Variants in COL25A1 observed in about 807,000 individuals in gnomAD.
The protein encoded by COL25A1 is collagen type XXV alpha 1 chain.
Under a neutral mutation model 128.4 loss-of-function variants are expected in COL25A1, and 103 were observed. The observed-to-expected ratio is 0.80, with a 90% CI of 0.68 to 0.94. The LOEUF is 0.94. Ranked by LOEUF, COL25A1 falls within the 40% of genes least tolerant of loss-of-function variation. The pLI, the probability that COL25A1 is intolerant of heterozygous loss-of-function variation, is 0.00. For missense variants in COL25A1, 745 were observed against 840.0 expected (o/e 0.89, Z 1.40); for synonymous variants, 279 against 277.2 (o/e 1.01, Z -0.06).
chr4:109,240,476 C>T (rs1199793802), intron 3 of COL25A1, among the ~76,000 whole-genome samples: 1 of 152,030 alleles, frequency 6.6e-6, no homozygotes, highest in African/African-American at 2.4e-5. Context: ...CTTTCAGGAA[C>T]ATACTTCTCA....
intron 3 of COL25A1, among the ~76,000 whole-genome samples, chr4:109,253,944 C>T (rs138881728): frequency 1.3e-5 from 2 of 151,556 alleles, no homozygotes; most frequent in South Asian, 2.1e-4. Flanking sequence ...AAAATTATCC[C>T]GGTGCGGTGG....
At chr4:108,941,145 A>G (rs1016852545) in intron 9 of COL25A1, among the ~76,000 whole-genome samples, 1 of 152,242 alleles carries the variant, frequency 6.6e-6, no homozygotes, top group Admixed American at 6.5e-5. Flanking sequence ...TTTTTTAATT[A>G]AGAAAAAATT....
intron 3 of COL25A1, among the ~76,000 whole-genome samples, chr4:109,218,364 T>TTTTGTTTG (rs1288984507): frequency 4.2e-4 from 55 of 130,162 alleles, no homozygotes; most frequent in Non-Finnish European, 4.8e-4. Context: ...GGGGTTTTTT[T>TTTTGTTTG]TTTTTTTTTT....
chr4:108,918,096 A>AT (rs1300435725), intron 13 of COL25A1, 76 bp downstream of exon 13: 1 of 859,966 alleles, frequency 1.2e-6, no homozygotes, highest in East Asian at 2.7e-5. Flanking sequence ...TATTACTAAC[A>AT]TTATGGACTA....
At chr4:108,978,687 T>C (rs1484924618) in intron 6 of COL25A1, among the ~76,000 whole-genome samples, 1 of 152,150 alleles carries the variant, frequency 6.6e-6, no homozygotes, top group Non-Finnish European at 1.5e-5. Context: ...AATCTAATAT[T>C]TAGTAGACAT....
chr4:109,029,125 G>C (rs1758598643), intron 5 of COL25A1, among the ~76,000 whole-genome samples: 1 of 152,146 alleles, frequency 6.6e-6, no homozygotes. Context: ...ATGGGGTCAA[G>C]GAAGTTTCAT....
intron 13 of COL25A1, among the ~76,000 whole-genome samples, chr4:108,904,658 C>T (rs1402181004): frequency 6.6e-6 from 1 of 151,920 alleles, no homozygotes; most frequent in African/African-American, 2.4e-5. Flanking sequence ...GAGCTGGTCT[C>T]ATGTTTGTGG....
intron 3 of COL25A1, among the ~76,000 whole-genome samples, chr4:109,236,444 C>T (rs188453155): frequency 6.6e-6 from 1 of 152,144 alleles, no homozygotes; most frequent in African/African-American, 2.4e-5. Flanking sequence ...CAAAGCCATT[C>T]CCCAAACACC....
intron 13 of COL25A1, among the ~76,000 whole-genome samples, chr4:108,917,872 A>G (rs1745048144): frequency 6.6e-6 from 1 of 152,228 alleles, no homozygotes; most frequent in Non-Finnish European, 1.5e-5. Flanking sequence ...TGTTAAACAT[A>G]AATTTTCCCA....
intron 11 of COL25A1, among the ~76,000 whole-genome samples, chr4:108,927,539 C>T (rs750133499): frequency 3.3e-5 from 5 of 152,024 alleles, no homozygotes; most frequent in Non-Finnish European, 5.9e-5. Context: ...TTTTTGTTTC[C>T]GTAATATCAC....
intron 3 of COL25A1, among the ~76,000 whole-genome samples, chr4:109,283,577 A>G (rs1354936018): frequency 6.6e-6 from 1 of 152,132 alleles, no homozygotes; most frequent in East Asian, 1.9e-4. Flanking sequence ...GTTTTTAAAA[A>G]TTACTTGAAT....
intron 26 of COL25A1, among the ~76,000 whole-genome samples, chr4:108,851,046 T>C (rs1178254100): frequency 6.6e-6 from 1 of 152,026 alleles, no homozygotes; most frequent in Non-Finnish European, 1.5e-5. Flanking sequence ...GGAGGTGAAA[T>C]AATGAACTTA....
chr4:109,234,148 T>A (rs1228813870), intron 3 of COL25A1, among the ~76,000 whole-genome samples: 10 of 152,144 alleles, frequency 6.6e-5, no homozygotes, highest in Admixed American at 6.6e-4. Context: ...ATTTTTTCCA[T>A]GGTAAAACTA....
chr4:108,980,610 T>C (rs1020918840), intron 6 of COL25A1, among the ~76,000 whole-genome samples: 16 of 152,310 alleles, frequency 1.1e-4, no homozygotes, highest in African/African-American at 3.8e-4. Flanking sequence ...ATCACCACCA[T>C]TGAGCAGAAG....
chr4:109,002,297 T>C (rs1455578053), intron 6 of COL25A1, among the ~76,000 whole-genome samples: 1 of 152,178 alleles, frequency 6.6e-6, no homozygotes, highest in African/African-American at 2.4e-5. Context: ...ATAGTCAAGA[T>C]ATGGAATCAA....
intron 3 of COL25A1, among the ~76,000 whole-genome samples, chr4:109,250,777 T>A (rs1404794440): frequency 2.0e-5 from 3 of 152,198 alleles, no homozygotes; most frequent in Non-Finnish European, 1.5e-5. Context: ...ACACCCAGAA[T>A]AATATTTAAC....
At chr4:108,954,953 T>G (rs1453100813) in intron 8 of COL25A1, among the ~76,000 whole-genome samples, 1 of 151,984 alleles carries the variant, frequency 6.6e-6, no homozygotes, top group Non-Finnish European at 1.5e-5. Flanking sequence ...ATCTTTTTTT[T>G]TTTAAAATGG....
chr4:108,866,972 T>C (rs1015621821), intron 20 of COL25A1, among the ~76,000 whole-genome samples: 2 of 152,220 alleles, frequency 1.3e-5, no homozygotes, highest in African/African-American at 4.8e-5. Flanking sequence ...ATAGGTAGAA[T>C]ACATTCTTTA....
intron 3 of COL25A1, among the ~76,000 whole-genome samples, chr4:109,166,658 C>T (rs528964704): frequency 2.0e-4 from 31 of 152,198 alleles, no homozygotes; most frequent in Admixed American, 1.6e-3. Flanking sequence ...CTAACAACAA[C>T]GTATATTTAC....
Sources: allele counts gnomAD v4.1 joint callset (sites outside exome capture counted in the v4.1 genomes callset), GRCh38; gene constraint gnomAD v4.1.1; transcripts MANE v1.5; gene names NCBI Gene and HGNC (gene_info 2026-07-23, HGNC 2026-07-21).